Variants in PDLIM5 observed in about 807,000 individuals in gnomAD.
PDLIM5 encodes PDZ and LIM domain protein 5.
In PDLIM5, 34 loss-of-function variants were observed where a neutral mutation model predicts 64.2. That is an observed-to-expected ratio of 0.53 (90% confidence interval 0.40 to 0.71). PDLIM5 has a LOEUF of 0.71. Ranked by LOEUF, PDLIM5 falls within the 30% of genes least tolerant of loss-of-function variation. PDLIM5 has a pLI of 0.00. For synonymous variants in PDLIM5, 253 were observed against 269.1 expected, an observed-to-expected ratio of 0.94 and a Z score of 0.59; for missense variants, 683 against 733.6, an observed-to-expected ratio of 0.93 and a Z score of 0.80.
At chr4:94,503,745 C>T (rs1728139640) in intron 2 of PDLIM5, among the ~76,000 whole-genome samples, 1 of 152,202 alleles carries the variant, frequency 6.6e-6, no homozygotes, top group Non-Finnish European at 1.5e-5. Context: ...CAAGAAAGGT[C>T]ATTTGAACAT....
chr4:94,575,583 G>A, intron 4 of PDLIM5, 33 bp from the exon 5 acceptor site: 1 of 1,404,814 alleles, frequency 7.1e-7, no homozygotes, highest in Non-Finnish European at 9.7e-7. Context: ...TGTTTGGTGT[G>A]GTTTTGTGTA....
chr4:94,577,581 C>CTTTT (rs11349007), intron 5 of PDLIM5, among the ~76,000 whole-genome samples: 3 of 106,854 alleles, frequency 2.8e-5, no homozygotes, highest in East Asian at 2.8e-4. Context: ...TGGTCGTAAT[C>CTTTT]TTTTTTTTTT....
At chr4:94,576,918 T>C (rs1162104755) in intron 5 of PDLIM5, among the ~76,000 whole-genome samples, 1 of 152,170 alleles carries the variant, frequency 6.6e-6, no homozygotes, top group African/African-American at 2.4e-5. Flanking sequence ...TGTTATCAGA[T>C]AGTCAGAAAT....
intron 8 of PDLIM5, among the ~76,000 whole-genome samples, chr4:94,620,016 G>A (rs1739094969): frequency 6.6e-6 from 1 of 152,022 alleles, no homozygotes; most frequent in Admixed American, 6.6e-5. Flanking sequence ...AAATCATTTA[G>A]GACCTTTTAT....
At chr4:94,573,458 A>G in intron 4 of PDLIM5, 65 bp downstream of exon 4, 2 of 1,196,992 alleles carry the variant, frequency 1.7e-6, no homozygotes, top group Non-Finnish European at 1.3e-6. Context: ...TGTAATTCCC[A>G]TTACTGTCTC....
chr4:94,524,644 T>C (rs971963217), intron 3 of PDLIM5, among the ~76,000 whole-genome samples: 2 of 152,220 alleles, frequency 1.3e-5, no homozygotes, highest in East Asian at 1.9e-4. Flanking sequence ...CCTCAAGTTA[T>C]AAAATAATTA....
rs191486556 is a variant in PDLIM5 at position 94,633,128 on chromosome 4, C to T, written c.1109-7148C>T. ...GAGTACTCTTTTAGAGATTATATTA[C>T]AATATAGATTAAATGGCGTATCTTG... is the stretch of plus-strand genomic sequence containing the variant. On this transcript the variant is annotated intron_variant, in intron 8 of 12. Coordinates refer to ENST00000317968, the MANE Select transcript of PDLIM5 (RefSeq NM_006457.5). 9.2e-5 allele frequency among the ~76,000 whole-genome samples: 14 copies of T among 152,172 alleles called. No homozygotes were observed. In the East Asian group the frequency reaches 2.7e-3, roughly 29 times the overall value.
chr4:94,522,871 T>C (rs562262977), intron 2 of PDLIM5, among the ~76,000 whole-genome samples: 41 of 152,326 alleles, frequency 2.7e-4, no homozygotes, highest in Admixed American at 3.3e-4. Flanking sequence ...TACTTATACT[T>C]ACTGAATGCT....
chr4:94,519,141 A>C (rs1454219739), intron 2 of PDLIM5, among the ~76,000 whole-genome samples: 2 of 152,282 alleles, frequency 1.3e-5, no homozygotes, highest in East Asian at 3.9e-4. Context: ...TTGCTGAGTG[A>C]GGGGAAAGTT....
At chr4:94,657,949 A>G (rs919752532) in intron 11 of PDLIM5, among the ~76,000 whole-genome samples, 2 of 151,934 alleles carry the variant, frequency 1.3e-5, no homozygotes, top group African/African-American at 2.4e-5. Context: ...CAGGTGATCC[A>G]CCTCCCAAAG....
At chr4:94,534,925 G>C (rs553561678) in intron 3 of PDLIM5, among the ~76,000 whole-genome samples, 33 of 152,154 alleles carry the variant, frequency 2.2e-4, no homozygotes, top group Non-Finnish European at 4.3e-4. Context: ...GTAGTATGGA[G>C]ATGACAAATC....
chr4:94,471,755 A>AAAATTAAAT (rs1335341644), intron 2 of PDLIM5, among the ~76,000 whole-genome samples: 5 of 152,202 alleles, frequency 3.3e-5, no homozygotes, highest in Non-Finnish European at 5.9e-5. Flanking sequence ...GATTGTTGAG[A>AAAATTAAAT]AAATTAAATA....
intron 5 of PDLIM5, among the ~76,000 whole-genome samples, chr4:94,578,675 C>T (rs1735486472): frequency 6.6e-6 from 1 of 152,048 alleles, no homozygotes; most frequent in Non-Finnish European, 1.5e-5. Flanking sequence ...TTAATGGATG[C>T]ATTTTTTGCA....
rs75068380 is a variant in PDLIM5 at position 94,457,771 on chromosome 4, A to G, written c.96+2387A>G. 6.8e-3 allele frequency among the ~76,000 whole-genome samples: 1,040 copies of G among 152,382 alleles called. 10 individuals are homozygous for G. Among genetic ancestry groups the G allele is most frequent in the African/African-American group, 0.024 (1,002 of 41,588 alleles). ...GCTGATACAACAGAACACTGTGTAC[A>G]TACATATGTGCCCTCCCCTGGCACA... On this transcript the variant is annotated intron_variant, in intron 2 of 12. Coordinates refer to ENST00000317968, the MANE Select transcript of PDLIM5 (RefSeq NM_006457.5).
At chr4:94,511,474 A>AT in intron 2 of PDLIM5, among the ~76,000 whole-genome samples, 1 of 152,252 alleles carries the variant, frequency 6.6e-6, no homozygotes, top group East Asian at 1.9e-4. Context: ...AAACAATCCA[A>AT]TAACACTCTT....
intron 2 of PDLIM5, among the ~76,000 whole-genome samples, chr4:94,501,013 C>T (rs1441231685): frequency 6.6e-6 from 1 of 151,426 alleles, no homozygotes; most frequent in Non-Finnish European, 1.5e-5. Context: ...AAATCCTGGG[C>T]TCAAGTGATC....
intron 8 of PDLIM5, among the ~76,000 whole-genome samples, chr4:94,638,434 G>A (rs928440901): frequency 6.6e-6 from 1 of 152,212 alleles, no homozygotes; most frequent in Non-Finnish European, 1.5e-5. Context: ...GTGCCAGGCA[G>A]TGCACTGTAG....
intron 1 of PDLIM5, among the ~76,000 whole-genome samples, chr4:94,454,004 C>G (rs76057965): frequency 1.5e-3 from 224 of 152,194 alleles, no homozygotes; most frequent in African/African-American, 5.1e-3. Context: ...GCCCCATTTT[C>G]CCTTTATGAG....
chr4:94,629,279 G>T (rs1739950848), intron 8 of PDLIM5, among the ~76,000 whole-genome samples: 1 of 152,078 alleles, frequency 6.6e-6, no homozygotes, highest in Non-Finnish European at 1.5e-5. Context: ...AACCTGGGGG[G>T]CGGAGGTCAC....
Sources: gnomAD v4.1 joint callset for allele counts (sites outside exome capture counted in the v4.1 genomes callset) on GRCh38, gnomAD v4.1.1 for gene constraint, MANE v1.5 for transcripts, NCBI Gene and HGNC (gene_info 2026-07-23, HGNC 2026-07-21) for gene names.